Variants in ASTN1 observed in about 807,000 individuals in gnomAD.
The protein encoded by ASTN1 is astrotactin 1, also known as astrotactin-1.
In ASTN1, 41 loss-of-function variants were observed where a neutral mutation model predicts 140.7. That is an observed-to-expected ratio of 0.29 (90% CI 0.23 to 0.38). The LOEUF is 0.38. ASTN1 is among the 10% of genes least tolerant of loss of function. ASTN1 has a pLI of 1.00. For synonymous variants in ASTN1, 640 were observed against 652.2 expected, an observed-to-expected ratio of 0.98 and a Z score of 0.29; for missense variants, 1,479 against 1,678.8, an observed-to-expected ratio of 0.88 and a Z score of 2.08.
chr1:176,893,626 G>A (rs1491004217), intron 17 of ASTN1, among the ~76,000 whole-genome samples: 1 of 152,176 alleles, frequency 6.6e-6, no homozygotes, highest in Non-Finnish European at 1.5e-5. Flanking sequence ...TGTTCCTTAA[G>A]GAGAAAACAG....
At position 176,957,791 on chromosome 1, in the gene ASTN1, C is replaced by T. The variant is rs1192773448; in HGVS notation, c.1774G>A (p.Glu592Lys). 6.2e-7 allele frequency: 1 copy of T among 1,613,922 alleles called. No individual in the cohort carries two copies. Among genetic ancestry groups the T allele is most frequent in the African/African-American group, 1.3e-5 (1 of 74,902 alleles). Residue 592 changes from glutamate (E) to lysine (K), a missense_variant, in exon 11 of 23, where the codon GAG becomes AAG. By Grantham distance (56) the Glu-to-Lys change is moderately conservative (BLOSUM62 1). Coordinates refer to ENST00000361833, the MANE Select transcript of ASTN1 (RefSeq NM_004319.3). ...LMTSSSFDSLEVLLDSFGPVR... is the reference protein window; with the variant it reads ...LMTSSSFDSLKVLLDSFGPVR... ...GGCCCAAAGGAATCTAAGAGAACCT[C>T]CAGGCTGTCGAAGGAGGATGAAGTC... is the stretch of plus-strand genomic sequence containing the variant.
intron 17 of ASTN1, among the ~76,000 whole-genome samples, chr1:176,892,074 G>T (rs1176760742): frequency 6.6e-6 from 1 of 152,118 alleles, no homozygotes; most frequent in African/African-American, 2.4e-5. Flanking sequence ...AATGTGTTTG[G>T]GGGGTAGAAA....
At chr1:177,094,964 G>A (rs1031443452) in intron 1 of ASTN1, among the ~76,000 whole-genome samples, 1 of 152,164 alleles carries the variant, frequency 6.6e-6, no homozygotes. Flanking sequence ...AAATAGAAAT[G>A]AGAAACATGT....
At chr1:177,042,998 T>C (rs1029274355) in intron 2 of ASTN1, among the ~76,000 whole-genome samples, 1 of 152,250 alleles carries the variant, frequency 6.6e-6, no homozygotes, top group Non-Finnish European at 1.5e-5. Flanking sequence ...ATTGGCCAAA[T>C]ACAACATTTT....
rs367962684 is a variant in ASTN1 at position 176,862,918 on chromosome 1, G to A, written c.*1366C>T. ...CCTTTCTCATATGTTTCCAGATGAG[G>A]AGCCCTGGTCAAAGGCATGGTGGCT... On this transcript the variant is annotated 3_prime_UTR_variant, in exon 23 of 23. Coordinates refer to ENST00000361833, the MANE Select transcript of ASTN1 (RefSeq NM_004319.3). 2,429 of 985,462 alleles carry A rather than the reference G, an allele frequency of 2.5e-3. 132 individuals are homozygous for A. The South Asian group carries it at 0.1, about 41-fold the overall frequency. The allele number at this position is 985,462 out of a possible 1,614,324, so 61.0% of individuals were successfully genotyped here. A position where few individuals can be genotyped will look rare whatever the true frequency, so the allele number is the denominator to read the frequency against.
intron 8 of ASTN1, among the ~76,000 whole-genome samples, chr1:176,979,309 G>A (rs1673505267): frequency 6.6e-6 from 1 of 152,162 alleles, no homozygotes; most frequent in Non-Finnish European, 1.5e-5. Context: ...ATGATGATAA[G>A]AGCAATGGTG....
intron 1 of ASTN1, among the ~76,000 whole-genome samples, chr1:177,068,269 C>T (rs1392837392): frequency 6.6e-6 from 1 of 152,136 alleles, no homozygotes; most frequent in Non-Finnish European, 1.5e-5. Flanking sequence ...GAGCAATGGC[C>T]ACAGAACTAT....
intron 9 of ASTN1, among the ~76,000 whole-genome samples, 158 bp from the exon 10 acceptor site, chr1:176,958,640 G>T (rs1009474187): frequency 6.6e-6 from 1 of 152,230 alleles, no homozygotes; most frequent in African/African-American, 2.4e-5. Context: ...TTCTAAGGAG[G>T]CAGAGAGGCC....
At position 176,863,243 on chromosome 1, in the gene ASTN1, G is replaced by A; in HGVS notation, c.*1041C>T. ...CTAGCAACACAAGCAAATTTAGCAA[G>A]GTGGGGATGAACAGAAGTTTTTTGT... On this transcript the variant is annotated 3_prime_UTR_variant, in exon 23 of 23. Transcript: ENST00000361833. The A allele has an allele frequency of 1.0e-6, 1 of 985,884 alleles. No homozygotes were observed. 61.1% of individuals were successfully genotyped at this position (985,884 alleles called of 1,614,324 possible). A position where few individuals can be genotyped will look rare whatever the true frequency, so the allele number is the denominator to read the frequency against.
chr1:177,161,134 G>A (rs141524702), intron 1 of ASTN1, among the ~76,000 whole-genome samples: 1 of 152,236 alleles, frequency 6.6e-6, no homozygotes, highest in African/African-American at 2.4e-5. Context: ...AACTGCCAAG[G>A]CTGATGGCTG....
intron 2 of ASTN1, among the ~76,000 whole-genome samples, chr1:177,048,918 C>T (rs1484283916): frequency 6.6e-6 from 1 of 152,202 alleles, no homozygotes; most frequent in African/African-American, 2.4e-5. Context: ...CTCCCTCCAA[C>T]AGAGCAGCCA....
chr1:177,152,751 G>A (rs888686693), intron 1 of ASTN1, among the ~76,000 whole-genome samples: 5 of 151,974 alleles, frequency 3.3e-5, no homozygotes, highest in Admixed American at 1.3e-4. Flanking sequence ...AAGTTTATAC[G>A]GAAAAACGGA....
chr1:177,078,262 G>A (rs926285149), intron 1 of ASTN1, among the ~76,000 whole-genome samples: 2 of 152,164 alleles, frequency 1.3e-5, no homozygotes, highest in African/African-American at 4.8e-5. Flanking sequence ...TGCCTTGAGG[G>A]TTGGCTGACA....
intron 1 of ASTN1, among the ~76,000 whole-genome samples, chr1:177,072,804 T>C (rs527273242): frequency 6.6e-6 from 1 of 152,302 alleles, no homozygotes; most frequent in African/African-American, 2.4e-5. Context: ...CCATCAGTGG[T>C]GCCACTCCTC....
chr1:176,915,077 T>C (rs1460654588), intron 16 of ASTN1, among the ~76,000 whole-genome samples: 3 of 152,200 alleles, frequency 2.0e-5, no homozygotes, highest in Non-Finnish European at 4.4e-5. Flanking sequence ...TGAAAACCAT[T>C]AAAATTCTAA....
At chr1:176,965,594 G>A (rs1243503085) in intron 8 of ASTN1, among the ~76,000 whole-genome samples, 12 of 152,262 alleles carry the variant, frequency 7.9e-5, no homozygotes, top group East Asian at 1.9e-4. Flanking sequence ...GAAGAGCAGC[G>A]TGATTTCTTG....
At chr1:177,067,343 T>C (rs1303534976) in intron 1 of ASTN1, among the ~76,000 whole-genome samples, 6 of 152,176 alleles carry the variant, frequency 3.9e-5, no homozygotes, top group Non-Finnish European at 1.5e-5. Flanking sequence ...CCCTATGTGA[T>C]AAAGATTGAG....
Position 177,148,842 on chromosome 1 carries a change from A to G in ASTN1, c.283+15552T>C, listed in dbSNP as rs571251700. Among the ~76,000 whole-genome samples the G allele has an allele frequency of 1.3e-4, 19 of 151,994 alleles. No homozygotes were observed. In the South Asian group the frequency reaches 3.7e-3, roughly 30 times the overall value. ...GTGACCTCAGTGCAATGAAGCACAC[A>G]GAACTGTGACTGCTATTATGAATGG... On this transcript the variant is annotated intron_variant, in intron 1 of 22. Transcript: ENST00000361833.
intron 1 of ASTN1, among the ~76,000 whole-genome samples, chr1:177,077,527 A>G (rs1678976350): frequency 6.6e-6 from 1 of 152,226 alleles, no homozygotes; most frequent in Admixed American, 6.5e-5. Flanking sequence ...GAAATAAAGT[A>G]ATAAATGTAA....
Sources: allele counts gnomAD v4.1 joint callset (sites outside exome capture counted in the v4.1 genomes callset), GRCh38; gene constraint gnomAD v4.1.1; transcripts MANE v1.5; gene names NCBI Gene and HGNC (gene_info 2026-07-23, HGNC 2026-07-21).